MRTO4: variants seen among roughly 807,000 people sequenced by gnomAD.
MRTO4 encodes MRT4 homolog, ribosome maturation factor, also known as mRNA turnover protein 4 homolog.
In MRTO4, 7 loss-of-function variants were observed where a neutral mutation model predicts 28.6. The observed-to-expected ratio is 0.24, with a 90% CI of 0.14 to 0.46. The LOEUF (loss-of-function observed/expected upper bound fraction) is 0.46, where lower values mean the gene tolerates loss of function less well. Ranked by LOEUF, MRTO4 falls within the 20% of genes least tolerant of loss-of-function variation. MRTO4 has a pLI of 0.99. For missense variants in MRTO4, 302 were observed against 298.3 expected, an observed-to-expected ratio of 1.01 and a Z score of -0.09; for synonymous variants, 113 against 108.2, an observed-to-expected ratio of 1.04 and a Z score of -0.27.
At chr1:19,257,388 A>G in intron 4 of MRTO4, 66 bp from the exon 5 acceptor site, 1 of 1,582,596 alleles carries the variant, frequency 6.3e-7, no homozygotes, top group South Asian at 1.1e-5. Flanking sequence ...CCCGGTGAGC[A>G]AAAACGTGCC....
At position 19,258,818 on chromosome 1, in the gene MRTO4, A is replaced by T. The variant is rs773651738; in HGVS notation, c.708A>T (p.Glu236Asp). ...AGTCCACAGAAGAGTCAGACTCAGAAGATGATGACTGAAAGGGACTCGGGA... is the reference window on the plus strand; with the variant it reads ...AGTCCACAGAAGAGTCAGACTCAGATGATGATGACTGAAAGGGACTCGGGA... ...ASESTEESDS[E>D]DDD Residue 236 changes from glutamate to aspartate, a missense_variant, in exon 8 of 8, where the codon GAA becomes GAT. Coordinates refer to ENST00000330263, the MANE Select transcript of MRTO4 (RefSeq NM_016183.4). The T allele has an allele frequency of 3.7e-6, 6 of 1,613,990 alleles. No individual in the cohort carries two copies. Among genetic ancestry groups the T allele is most frequent in the Admixed American group, 1.7e-5 (1 of 59,978 alleles).
At chr1:19,258,370 C>G in intron 6 of MRTO4, 107 bp from the exon 7 acceptor site, 1 of 1,335,738 alleles carries the variant, frequency 7.5e-7, no homozygotes, top group South Asian at 1.2e-5. Flanking sequence ...GTGTTGGAGC[C>G]GTGGGGAGGG....
intron 1 of MRTO4, chr1:19,252,342 A>C: frequency 5.6e-6 from 1 of 177,822 alleles, no homozygotes; most frequent in Non-Finnish European, 1.2e-5. Flanking sequence ...GTTGTCAGTT[A>C]ATAGGATCCC....
chr1:19,254,913 G>A, intron 2 of MRTO4, 73 bp downstream of exon 2: 2 of 1,312,804 alleles, frequency 1.5e-6, no homozygotes, highest in South Asian at 1.5e-5. Context: ...GTTGGCCAGG[G>A]ATAGGACTGT....
intron 1 of MRTO4, 115 bp downstream of exon 1, chr1:19,251,978 G>A: frequency 7.1e-6 from 10 of 1,413,904 alleles, no homozygotes; most frequent in Non-Finnish European, 8.6e-6. Context: ...ACATCCTCGA[G>A]GTGTTCCGCT....
intron 3 of MRTO4, 90 bp from the exon 4 acceptor site, chr1:19,256,974 C>A: frequency 7.7e-7 from 1 of 1,294,070 alleles, no homozygotes; most frequent in Non-Finnish European, 1.1e-6. Flanking sequence ...GGCCTGAGCT[C>A]ACTGGGGACC....
intron 1 of MRTO4, among the ~76,000 whole-genome samples, chr1:19,252,727 T>C (rs80023972): frequency 0.028 from 4,260 of 152,286 alleles, 75 homozygotes; most frequent in South Asian, 0.053. Flanking sequence ...AATAAGTCAC[T>C]GCAGCCTTGA....
intron 5 of MRTO4, 137 bp from the exon 6 acceptor site, chr1:19,257,696 C>G (rs890775053): frequency 3.6e-6 from 5 of 1,377,004 alleles, no homozygotes; most frequent in Non-Finnish European, 5.1e-6. Flanking sequence ...GCATGGTGCT[C>G]TGGGCTGGCT....
chr1:19,257,690 G>T, intron 5 of MRTO4, 143 bp from the exon 6 acceptor site: 2 of 1,359,566 alleles, frequency 1.5e-6, no homozygotes, highest in Non-Finnish European at 1.0e-6. Context: ...TCTCCAGCAT[G>T]GTGCTCTGGG....
chr1:19,254,100 T>C (rs1175568755), intron 1 of MRTO4, among the ~76,000 whole-genome samples: 2 of 152,152 alleles, frequency 1.3e-5, no homozygotes, highest in Non-Finnish European at 2.9e-5. Flanking sequence ...GGGCCAGGCA[T>C]GGTGGCTCAC....
intron 1 of MRTO4, among the ~76,000 whole-genome samples, chr1:19,253,700 A>G (rs570998390): frequency 2.6e-5 from 4 of 152,278 alleles, no homozygotes; most frequent in African/African-American, 9.6e-5. Flanking sequence ...CTTACCATTG[A>G]CTGATGTCAT....
intron 3 of MRTO4, 95 bp downstream of exon 3, chr1:19,256,146 C>A: frequency 9.7e-7 from 1 of 1,036,142 alleles, no homozygotes; most frequent in Non-Finnish European, 1.5e-6. Context: ...CCTTTAGGTG[C>A]CTGGGTCATG....
At chr1:19,255,691 T>G (rs1015576898) in intron 2 of MRTO4, among the ~76,000 whole-genome samples, 5 of 152,154 alleles carry the variant, frequency 3.3e-5, no homozygotes, top group African/African-American at 1.2e-4. Context: ...CAGCTGATGA[T>G]CAGTTCCACT....
chr1:19,257,379 C>G (rs2093673041), intron 4 of MRTO4, 75 bp from the exon 5 acceptor site: 5 of 1,540,004 alleles, frequency 3.2e-6, no homozygotes, highest in Non-Finnish European at 4.5e-6. Flanking sequence ...CCAAATGTAC[C>G]CGGTGAGCAA....
intron 1 of MRTO4, 34 bp downstream of exon 1, chr1:19,251,897 G>C: frequency 6.3e-7 from 1 of 1,580,302 alleles, no homozygotes; most frequent in Non-Finnish European, 8.6e-7. Flanking sequence ...CCTGGGGGGA[G>C]CTCCGTGGGC....
Position 19,258,876 on chromosome 1 carries a change from T to C in MRTO4, c.*46T>C. 1 of 1,596,210 alleles carries C rather than the reference T, an allele frequency of 6.3e-7. No homozygotes were observed. Among genetic ancestry groups the C allele is most frequent in the Non-Finnish European group, 8.5e-7 (1 of 1,171,468 alleles). ...TCTCCTGGAAGCTTCTGGGTCTCAC[T>C]GGACCATCAGGACTGCTGCCGCCCC... is the stretch of plus-strand genomic sequence containing the variant. On this transcript the variant is annotated 3_prime_UTR_variant, in exon 8 of 8. Coordinates refer to ENST00000330263, the MANE Select transcript of MRTO4 (RefSeq NM_016183.4).
rs1307282000 is a variant in MRTO4 at position 19,258,547 on chromosome 1, C to T, written c.564C>T (p.Arg188=). 4.5e-5 allele frequency: 72 copies of T among 1,613,976 alleles called. No homozygotes were observed. The highest frequency in any genetic ancestry group is 9.3e-5 in the African/African-American group (7 of 74,928). Residue 188 remains arginine (R), a synonymous_variant, in exon 7 of 8, where the codon CGC becomes CGT. Transcript: ENST00000330263. ...EGDVLTPEQA[R]VLKLFGYEMA... The stretch of plus-strand genomic sequence containing the variant: ...ATGTGCTGACCCCAGAGCAGGCTCG[C>T]GTCCTGGTGAGTCTGGCGCCTTGCG...
At chr1:19,255,546 G>A (rs534816816) in intron 2 of MRTO4, among the ~76,000 whole-genome samples, 9 of 152,218 alleles carry the variant, frequency 5.9e-5, no homozygotes, top group East Asian at 1.9e-4. Flanking sequence ...ACTCCTAGAG[G>A]CTGCCTCATG....
At chr1:19,254,922 G>A (rs1322275943) in intron 2 of MRTO4, 82 bp downstream of exon 2, 1 of 1,209,322 alleles carries the variant, frequency 8.3e-7, no homozygotes, top group Non-Finnish European at 1.1e-6. Context: ...GGATAGGACT[G>A]TTGGCCAGGG....
Sources: gnomAD v4.1 joint callset for allele counts (sites outside exome capture counted in the v4.1 genomes callset) on GRCh38, gnomAD v4.1.1 for gene constraint, MANE v1.5 for transcripts, NCBI Gene and HGNC (gene_info 2026-07-23, HGNC 2026-07-21) for gene names.